The following NFE2L3 variants were observed in gnomAD, a reference collection of about 807,000 sequenced individuals.
The protein encoded by NFE2L3 is NFE2 like bZIP transcription factor 3.
A neutral mutation model predicts 23.5 loss-of-function variants in NFE2L3; 18 were observed. The observed-to-expected ratio is 0.77, with a 90% CI of 0.53 to 1.13. NFE2L3 has a LOEUF of 1.13. NFE2L3 is among the 50% of genes most tolerant of loss of function. The probability of loss-of-function intolerance (pLI) is 0.00; values close to 1 mark genes in which losing one functional copy is unlikely to be tolerated. For missense variants in NFE2L3, 1,152 were observed against 877.2 expected (o/e 1.31, Z -3.96); for synonymous variants, 424 against 354.5 (o/e 1.20, Z -2.20).
At chr7:26,158,398 GACA>G (rs977733974) in intron 1 of NFE2L3, among the ~76,000 whole-genome samples, 4 of 152,122 alleles carry the variant, frequency 2.6e-5, no homozygotes, top group South Asian at 4.1e-4. Context: ...GAATTTTGGG[GACA>G]CAGTTCAATC....
intron 2 of NFE2L3, 58 bp downstream of exon 2, chr7:26,178,180 C>A: frequency 6.7e-7 from 1 of 1,483,396 alleles, no homozygotes; most frequent in Non-Finnish European, 9.2e-7. Context: ...GATTTTGTGG[C>A]ATTGACAGTT....
chr7:26,183,591 T>G, intron 2 of NFE2L3, 110 bp from the exon 3 acceptor site: 1 of 699,590 alleles, frequency 1.4e-6, no homozygotes, highest in Non-Finnish European at 2.5e-6. Flanking sequence ...CATAATAGCA[T>G]AAAAATCCAG....
At position 26,184,688 on chromosome 7, in the gene NFE2L3, T is replaced by C. The variant is rs1350528653; in HGVS notation, c.990T>C (p.Asp330=). ...GTCCCAACAATACATTTAGAAGAGATCCAACAGCAAGGACTTCACAGTCAC... is the reference window on the plus strand; with the variant it reads ...GTCCCAACAATACATTTAGAAGAGACCCAACAGCAAGGACTTCACAGTCAC... ...LLCPNNTFRR[D]PTARTSQSQE... The change falls in exon 4 of 4, where the codon GAT becomes GAC. Residue 330 remains aspartate (D), a synonymous_variant. Coordinates refer to ENST00000056233, the MANE Select transcript of NFE2L3 (RefSeq NM_004289.7). The C allele has an allele frequency of 1.2e-6, 2 of 1,613,762 alleles. No homozygotes were observed. Among genetic ancestry groups the C allele is most frequent in the Non-Finnish European group, 1.7e-6 (2 of 1,179,844 alleles).
Position 26,185,704 on chromosome 7 carries a change from A to G in NFE2L3, c.2006A>G (p.Asp669Gly). ...CACTATGCTCTCCAGTGTACCCATG[A>G]TGGAAGTATCTTGATAGTACCCAAA... ...PNHYALQCTH[D>G]GSILIVPKEL... The change falls in exon 4 of 4, where the codon GAT becomes GGT. Residue 669 changes from aspartate (D) to glycine (G), a missense_variant. Transcript: ENST00000056233. The G allele has an allele frequency of 2.5e-6, 4 of 1,613,812 alleles. No individual in the cohort carries two copies. The highest frequency in any genetic ancestry group is 3.4e-6 in the Non-Finnish European group (4 of 1,179,780).
intron 1 of NFE2L3, among the ~76,000 whole-genome samples, chr7:26,175,635 C>T (rs1358103004): frequency 1.1e-4 from 16 of 150,242 alleles, no homozygotes; most frequent in African/African-American, 9.8e-5. Flanking sequence ...AAAAATTAGC[C>T]GGGTGTGGTG....
At chr7:26,153,384 GCTCAGTAC>G (rs1353511483) in intron 1 of NFE2L3, among the ~76,000 whole-genome samples, 4 of 152,176 alleles carry the variant, frequency 2.6e-5, no homozygotes, top group African/African-American at 9.7e-5. Flanking sequence ...CACTGTCTTC[GCTCAGTAC>G]CTCATGTACA....
intron 2 of NFE2L3, among the ~76,000 whole-genome samples, chr7:26,182,854 C>T (rs1285799855): frequency 4.6e-5 from 7 of 152,130 alleles, no homozygotes; most frequent in Non-Finnish European, 5.9e-5. Flanking sequence ...AGTGTGGCAG[C>T]GCTGTCACGA....
intron 2 of NFE2L3, among the ~76,000 whole-genome samples, chr7:26,181,000 AG>A (rs1188618142): frequency 6.6e-6 from 1 of 151,646 alleles, no homozygotes; most frequent in Non-Finnish European, 1.5e-5. Flanking sequence ...CGGGGGAGAC[AG>A]GATCTCACTC....
chr7:26,161,719 C>G (rs2128097817), intron 1 of NFE2L3, among the ~76,000 whole-genome samples: 1 of 152,010 alleles, frequency 6.6e-6, no homozygotes, highest in South Asian at 2.1e-4. Flanking sequence ...TTCCCTAGCT[C>G]CTTTTATTAT....
At chr7:26,183,015 G>C (rs1583939925) in intron 2 of NFE2L3, among the ~76,000 whole-genome samples, 1 of 152,210 alleles carries the variant, frequency 6.6e-6, no homozygotes, top group Non-Finnish European at 1.5e-5. Context: ...TCCAACTCCT[G>C]GGCTCAGGCG....
rs969716106 is a variant in NFE2L3 at position 26,152,733 on chromosome 7, C to G, written c.235C>G (p.Arg79Gly). 1.1e-5 allele frequency: 16 copies of G among 1,473,438 alleles called. No individual in the cohort carries two copies. The Admixed American group carries it at 1.4e-4, about 13-fold the overall frequency. 91.3% of individuals were successfully genotyped at this position (1,473,438 alleles called of 1,614,324 possible). The change falls in exon 1 of 4, where the codon CGG becomes GGG. Residue 79 changes from arginine (R) to glycine (G), a missense_variant. Transcript: ENST00000056233. The surrounding 1 kb of genome is among the most constrained non-coding windows in gnomAD (Gnocchi z 4.4). ...CGCGGGCCACTTGCACCCCAAGGGC[C>G]GGGAGCTGGACCCTGCCGCGCCGCC... ...GRAGHLHPKG[R>G]ELDPAAPPEG...
intron 3 of NFE2L3, 36 bp downstream of exon 3, chr7:26,183,820 A>T: frequency 7.6e-7 from 1 of 1,319,868 alleles, no homozygotes. Context: ...TCGCAGGAAC[A>T]TATCTGCACT....
Position 26,185,894 on chromosome 7 carries a change from A to G in NFE2L3, c.*111A>G, listed in dbSNP as rs1782472558. Reference sequence around the variant, plus strand: ...AAGAATTGTATCTTTAAGTACTGCTACTTGAATAACTCAGTTAACGCTGTT... The same window carrying G: ...AAGAATTGTATCTTTAAGTACTGCTGCTTGAATAACTCAGTTAACGCTGTT... On this transcript the variant is annotated 3_prime_UTR_variant, in exon 4 of 4. Transcript: ENST00000056233. 2.3e-6 allele frequency: 2 copies of G among 871,194 alleles called. No homozygotes were observed. Among genetic ancestry groups the G allele is most frequent in the South Asian group, 3.9e-5 (2 of 51,474 alleles). The allele number at this position is 871,194 out of a possible 1,614,324, so 54.0% of individuals were successfully genotyped here. A position where few individuals can be genotyped will look rare whatever the true frequency, so the allele number is the denominator to read the frequency against.
intron 1 of NFE2L3, among the ~76,000 whole-genome samples, chr7:26,173,146 G>A (rs893752486): frequency 1.6e-4 from 24 of 151,992 alleles, no homozygotes; most frequent in Non-Finnish European, 2.9e-4. Flanking sequence ...GCTTCCTGTA[G>A]TGTGAATTTT....
At chr7:26,169,501 C>G (rs1784303430) in intron 1 of NFE2L3, among the ~76,000 whole-genome samples, 2 of 152,258 alleles carry the variant, frequency 1.3e-5, no homozygotes. Context: ...GGAGGCGACT[C>G]TTGGCTGCTG....
intron 1 of NFE2L3, among the ~76,000 whole-genome samples, chr7:26,167,549 C>T (rs939093410): frequency 6.6e-6 from 1 of 151,840 alleles, no homozygotes; most frequent in Admixed American, 6.6e-5. Context: ...TTAATTGTCC[C>T]AGCCCCACAA....
intron 2 of NFE2L3, among the ~76,000 whole-genome samples, chr7:26,180,625 A>G (rs1157639252): frequency 6.6e-6 from 1 of 152,178 alleles, no homozygotes; most frequent in East Asian, 1.9e-4. Flanking sequence ...TTTAACACTG[A>G]ATTGTATATT....
chr7:26,156,248 T>C (rs889727355), intron 1 of NFE2L3, among the ~76,000 whole-genome samples: 1 of 152,214 alleles, frequency 6.6e-6, no homozygotes, highest in African/African-American at 2.4e-5. Flanking sequence ...GCTTAGAACT[T>C]GCCTGTCACT....
Position 26,178,087 on chromosome 7 carries a change from T to C in NFE2L3, c.715T>C (p.Trp239Arg), listed in dbSNP as rs748200107. The change falls in exon 2 of 4, where the codon TGG (tryptophan) becomes CGG (arginine). Residue 239 changes from tryptophan (W) to arginine (R), a missense_variant. Transcript: ENST00000056233. ...DENKIAEKPDWEAEKTTESRN... is the reference protein window; with the variant it reads ...DENKIAEKPDREAEKTTESRN... ...AAACAAAATAGCAGAGAAACCTGAC[T>C]GGGAGGCAGAAAAGACCACTGAATC... 6.2e-7 allele frequency: 1 copy of C among 1,613,946 alleles called. No homozygotes were observed. The highest frequency in any genetic ancestry group is 1.7e-5 in the Admixed American group (1 of 60,006).
Sources: gnomAD v4.1 joint callset for allele counts (sites outside exome capture counted in the v4.1 genomes callset) on GRCh38, gnomAD v4.1.1 for gene constraint, Gnocchi (gnomAD v3.1) non-coding constraint, MANE v1.5 for transcripts, NCBI Gene and HGNC (gene_info 2026-07-23, HGNC 2026-07-21) for gene names.